Variants in AUTS2 observed in about 807,000 individuals in gnomAD.
The protein encoded by AUTS2 is activator of transcription and developmental regulator AUTS2, also known as autism susceptibility gene 2 protein.
In AUTS2, 17 loss-of-function variants were observed where a neutral mutation model predicts 112.4. That is an observed-to-expected ratio of 0.15 (90% CI 0.10 to 0.23). The LOEUF (loss-of-function observed/expected upper bound fraction) is 0.23. AUTS2 is among the 10% of genes least tolerant of loss of function. The pLI is 1.00. For missense variants in AUTS2, 1,510 were observed against 1,701.6 expected, an observed-to-expected ratio of 0.89 and a Z score of 1.98; for synonymous variants, 751 against 702.7, an observed-to-expected ratio of 1.07 and a Z score of -1.09.
chr7:70,323,244 G>A (rs1215021558), intron 4 of AUTS2, among the ~76,000 whole-genome samples: 2 of 152,312 alleles, frequency 1.3e-5, no homozygotes, highest in African/African-American at 4.8e-5. Flanking sequence ...ACCTAAGTTT[G>A]CAGGTGAGGC....
At chr7:70,446,854 G>T (rs996467758) in intron 5 of AUTS2, among the ~76,000 whole-genome samples, 4 of 152,164 alleles carry the variant, frequency 2.6e-5, no homozygotes, top group African/African-American at 7.2e-5. Flanking sequence ...TGAGAAAGAA[G>T]CAGGGAAAGA....
At chr7:69,647,455 A>T (rs1025331268) in intron 1 of AUTS2, among the ~76,000 whole-genome samples, 1 of 151,726 alleles carries the variant, frequency 6.6e-6, no homozygotes, top group Non-Finnish European at 1.5e-5. Context: ...GGGTTGAGTG[A>T]TCCTCCCATC....
At chr7:70,073,027 CTCCCCTCCCT>C (rs1234493164) in intron 2 of AUTS2, among the ~76,000 whole-genome samples, 3 of 136,796 alleles carry the variant, frequency 2.2e-5, no homozygotes, top group Non-Finnish European at 3.2e-5. Context: ...CTCCCCTCCC[CTCCCCTCCCT>C]TCCCCTCCCC....
chr7:70,463,670 C>T (rs942121817), intron 5 of AUTS2, among the ~76,000 whole-genome samples: 19 of 152,202 alleles, frequency 1.2e-4, no homozygotes, highest in East Asian at 7.7e-4. Flanking sequence ...AGTCTTCACC[C>T]GCTTGCTCTT....
chr7:70,250,291 A>C (rs1786526374), intron 4 of AUTS2, among the ~76,000 whole-genome samples: 2 of 152,176 alleles, frequency 1.3e-5, no homozygotes, highest in African/African-American at 2.4e-5. Context: ...TCCTTCTCTT[A>C]GTGTTTCTCA....
chr7:70,789,677 C>A, intron 18 of AUTS2, 71 bp from the exon 19 acceptor site: 4 of 1,529,074 alleles, frequency 2.6e-6, no homozygotes, highest in South Asian at 2.5e-5. Flanking sequence ...CCATTTCACC[C>A]GCAGCCCCTG....
At chr7:70,537,223 T>A (rs1020606243) in intron 5 of AUTS2, among the ~76,000 whole-genome samples, 1 of 152,212 alleles carries the variant, frequency 6.6e-6, no homozygotes, top group Admixed American at 6.5e-5. Context: ...ACATAGTAGA[T>A]CCTCCATAAA....
At chr7:70,621,119 A>T (rs1362703226) in intron 5 of AUTS2, among the ~76,000 whole-genome samples, 1 of 152,224 alleles carries the variant, frequency 6.6e-6, no homozygotes, top group South Asian at 2.1e-4. Flanking sequence ...TCCAGTCCAC[A>T]TACATCTCTT....
At chr7:70,677,553 GC>G (rs1402622108) in intron 5 of AUTS2, among the ~76,000 whole-genome samples, 1 of 151,886 alleles carries the variant, frequency 6.6e-6, no homozygotes, top group African/African-American at 2.4e-5. Context: ...CCTTAGCTTT[GC>G]CCCGTGTCTC....
intron 5 of AUTS2, among the ~76,000 whole-genome samples, chr7:70,649,570 C>T (rs980217974): frequency 6.6e-6 from 1 of 150,448 alleles, no homozygotes; most frequent in African/African-American, 2.5e-5. Context: ...GCACTGTCAC[C>T]CGGGCTGGAG....
intron 4 of AUTS2, among the ~76,000 whole-genome samples, chr7:70,377,493 A>ACCAT (rs1793166124): frequency 6.7e-6 from 1 of 150,004 alleles, no homozygotes; most frequent in South Asian, 2.1e-4. Context: ...AAAATGGCTT[A>ACCAT]CCATTTTAAC....
chr7:69,618,782 A>T (rs1325008562), intron 1 of AUTS2, among the ~76,000 whole-genome samples: 1 of 152,114 alleles, frequency 6.6e-6, no homozygotes, highest in Non-Finnish European at 1.5e-5. Context: ...AAACCTTATG[A>T]CTTTACTGTA....
chr7:70,132,187 AAG>A (rs954567553), intron 3 of AUTS2, among the ~76,000 whole-genome samples: 1 of 151,176 alleles, frequency 6.6e-6, no homozygotes, highest in Non-Finnish European at 1.5e-5. Flanking sequence ...AAAAAAAAAA[AAG>A]AGTACAGTAG....
At chr7:70,784,791 C>G in intron 15 of AUTS2, 151 bp from the exon 16 acceptor site, 1 of 512,214 alleles carries the variant, frequency 2.0e-6, no homozygotes, top group Non-Finnish European at 3.5e-6. Context: ...TTTCTTTTAC[C>G]CTGTGTCTTG....
chr7:70,030,282 A>G (rs1265333183), intron 2 of AUTS2, among the ~76,000 whole-genome samples: 2 of 152,242 alleles, frequency 1.3e-5, no homozygotes, highest in Non-Finnish European at 2.9e-5. Flanking sequence ...GGGCTGCCAC[A>G]GTCCAGTTGT....
intron 5 of AUTS2, among the ~76,000 whole-genome samples, chr7:70,648,366 G>C (rs1188460237): frequency 6.6e-6 from 1 of 152,134 alleles, no homozygotes; most frequent in Non-Finnish European, 1.5e-5. Flanking sequence ...ACGAGGGAGA[G>C]GAATGGGCTG....
chr7:70,177,944 T>C (rs1584837402), intron 4 of AUTS2, among the ~76,000 whole-genome samples: 2 of 145,092 alleles, frequency 1.4e-5, no homozygotes, highest in Admixed American at 7.1e-5. Flanking sequence ...TGAGGTGGAG[T>C]CTTGCGCTGT....
intron 4 of AUTS2, among the ~76,000 whole-genome samples, chr7:70,284,260 A>G (rs1417040762): frequency 1.3e-5 from 2 of 152,184 alleles, no homozygotes; most frequent in Non-Finnish European, 2.9e-5. Context: ...GTAAAACATA[A>G]TTTTTAACCA....
intron 1 of AUTS2, chr7:69,643,418 A>T (rs1434957135): frequency 6.6e-6 from 1 of 151,230 alleles, no homozygotes; most frequent in African/African-American, 2.4e-5. Context: ...ACCATATTTC[A>T]GGTTTTTTTT....
Sources: gnomAD v4.1 joint callset for allele counts (sites outside exome capture counted in the v4.1 genomes callset) on GRCh38, gnomAD v4.1.1 for gene constraint, MANE v1.5 for transcripts, NCBI Gene and HGNC (gene_info 2026-07-23, HGNC 2026-07-21) for gene names.